Variants in CSE1L observed in about 807,000 individuals in gnomAD.
The protein encoded by CSE1L is chromosome segregation 1 like, also known as exportin-2.
In CSE1L, 24 loss-of-function variants were observed where a neutral mutation model predicts 120.4. The observed-to-expected ratio is 0.20, with a 90% CI of 0.14 to 0.28. The LOEUF is 0.28. CSE1L is among the 10% of genes least tolerant of loss of function. The pLI is 1.00. For synonymous variants in CSE1L, 402 were observed against 398.3 expected (o/e 1.01, Z -0.11); for missense variants, 830 against 1,145.2 (o/e 0.72, Z 3.97).
chr20:49,065,803 A>G (rs1471728016), intron 3 of CSE1L, among the ~76,000 whole-genome samples: 2 of 152,016 alleles, frequency 1.3e-5, no homozygotes, highest in Non-Finnish European at 2.9e-5. Context: ...CATGTTGGCC[A>G]GGCTGGTCTC....
chr20:49,095,145 C>T, intron 24 of CSE1L, 182 bp downstream of exon 24: 2 of 684,290 alleles, frequency 2.9e-6, no homozygotes, highest in East Asian at 5.4e-5. Context: ...GTATTATGTA[C>T]TACAAATATA....
chr20:49,075,042 G>C (rs558715586), intron 11 of CSE1L, among the ~76,000 whole-genome samples, 192 bp downstream of exon 11: 17 of 152,146 alleles, frequency 1.1e-4, no homozygotes, highest in East Asian at 5.8e-4. Context: ...ATCAAAAGTT[G>C]AATCATTTGT....
intron 3 of CSE1L, among the ~76,000 whole-genome samples, chr20:49,065,586 ATTTTTTTT>A (rs1169151375): frequency 6.6e-5 from 5 of 76,320 alleles, no homozygotes; most frequent in African/African-American, 1.7e-4. Context: ...TAAAATGGAA[ATTTTTTTT>A]TTTTTTTTTT....
chr20:49,095,973 G>A (rs144539539), intron 24 of CSE1L, among the ~76,000 whole-genome samples: 1 of 152,134 alleles, frequency 6.6e-6, no homozygotes, highest in Non-Finnish European at 1.5e-5. Context: ...AAGCCTGCAT[G>A]TGCCCAGCTT....
intron 2 of CSE1L, among the ~76,000 whole-genome samples, chr20:49,060,150 A>C (rs966947504): frequency 1.4e-5 from 2 of 147,280 alleles, no homozygotes; most frequent in African/African-American, 5.0e-5. Flanking sequence ...ATGTCAGTGC[A>C]CTCTAGCCTG....
intron 14 of CSE1L, among the ~76,000 whole-genome samples, chr20:49,083,683 A>ATTTTT (rs2092031233): frequency 2.0e-5 from 3 of 152,226 alleles, no homozygotes; most frequent in African/African-American, 4.8e-5. Flanking sequence ...AGACACAAAA[A>ATTTTT]GGTTAAATAA....
intron 1 of CSE1L, among the ~76,000 whole-genome samples, chr20:49,049,896 G>T (rs2091752507): frequency 6.6e-6 from 1 of 152,144 alleles, no homozygotes; most frequent in Non-Finnish European, 1.5e-5. Flanking sequence ...GTGTGGTGGT[G>T]TGTGCCTGTA....
intron 12 of CSE1L, among the ~76,000 whole-genome samples, chr20:49,076,182 G>GTTGTT (rs57034365): frequency 4.0e-5 from 6 of 150,684 alleles, no homozygotes; most frequent in Non-Finnish European, 5.9e-5. Flanking sequence ...TTTTGTTGTT[G>GTTGTT]TTGTTTTGTT....
chr20:49,066,889 A>G (rs1046666150), intron 5 of CSE1L, among the ~76,000 whole-genome samples: 1 of 151,940 alleles, frequency 6.6e-6, no homozygotes, highest in Non-Finnish European at 1.5e-5. Flanking sequence ...AAAACTAGCC[A>G]GGCATGGTGG....
At chr20:49,075,839 T>C (rs2091964648) in intron 12 of CSE1L, among the ~76,000 whole-genome samples, 1 of 152,188 alleles carries the variant, frequency 6.6e-6, no homozygotes, top group South Asian at 2.1e-4. Flanking sequence ...TATTTTACAT[T>C]TTTATATTTT....
chr20:49,069,018 A>G (rs2091913436), intron 7 of CSE1L, among the ~76,000 whole-genome samples, 196 bp downstream of exon 7: 1 of 152,154 alleles, frequency 6.6e-6, no homozygotes, highest in Admixed American at 6.6e-5. Context: ...GGAAAAAAGC[A>G]GTATTCTCTT....
At chr20:49,047,000 A>G (rs1192732014) in intron 1 of CSE1L, among the ~76,000 whole-genome samples, 1 of 152,222 alleles carries the variant, frequency 6.6e-6, no homozygotes, top group Non-Finnish European at 1.5e-5. Flanking sequence ...GGGCATCGTG[A>G]TCTCACTTTG....
At chr20:49,077,953 G>A (rs1465156732) in intron 13 of CSE1L, among the ~76,000 whole-genome samples, 7 of 152,040 alleles carry the variant, frequency 4.6e-5, no homozygotes, top group East Asian at 1.9e-4. Context: ...GCAGTGAGCC[G>A]AGATCGTGCC....
At position 49,080,767 on chromosome 20, in the gene CSE1L, C is replaced by T. The variant is rs574835361; in HGVS notation, c.1482+2145C>T. On this transcript the variant is annotated intron_variant, in intron 14 of 24. Transcript: ENST00000262982. ...CTAGGATTACAGGCATGAGCCACCG[C>T]GCCCGGCCTTATTCATTTATTTTTG... is the stretch of plus-strand genomic sequence containing the variant. Among the ~76,000 whole-genome samples the T allele has an allele frequency of 2.5e-4, 38 of 152,210 alleles. No individual in the cohort carries two copies. In the South Asian group the frequency reaches 7.0e-3, roughly 28 times the overall value.
chr20:49,055,040 G>T (rs972711216), intron 1 of CSE1L, among the ~76,000 whole-genome samples: 8 of 152,172 alleles, frequency 5.3e-5, no homozygotes, highest in Non-Finnish European at 8.8e-5. Flanking sequence ...GATTCATTTG[G>T]CACTTCAGAG....
At chr20:49,071,015 G>A (rs953165964) in intron 8 of CSE1L, among the ~76,000 whole-genome samples, 7 of 152,144 alleles carry the variant, frequency 4.6e-5, no homozygotes, top group Non-Finnish European at 1.0e-4. Flanking sequence ...AAATATTTCT[G>A]ATATGGGTTT....
intron 1 of CSE1L, among the ~76,000 whole-genome samples, chr20:49,048,697 A>T (rs1343073370): frequency 6.6e-6 from 1 of 152,232 alleles, no homozygotes; most frequent in Non-Finnish European, 1.5e-5. Context: ...AGAAATATCC[A>T]GGACCCGGAT....
At chr20:49,094,660 T>A in intron 23 of CSE1L, 72 bp from the exon 24 acceptor site, 1 of 1,016,500 alleles carries the variant, frequency 9.8e-7, no homozygotes. Flanking sequence ...TTTGTGTCTC[T>A]GAGCAATTGC....
chr20:49,076,603 T>A (rs2091970635), intron 12 of CSE1L, among the ~76,000 whole-genome samples: 1 of 144,186 alleles, frequency 6.9e-6, no homozygotes, highest in African/African-American at 2.6e-5. Context: ...CATCTCAGAT[T>A]ACTGCAACCT....
Sources: allele counts gnomAD v4.1 joint callset (sites outside exome capture counted in the v4.1 genomes callset), GRCh38; gene constraint gnomAD v4.1.1; transcripts MANE v1.5; gene names NCBI Gene and HGNC (gene_info 2026-07-23, HGNC 2026-07-21).